The following DIS3L2 variants were observed in gnomAD, a reference collection of about 807,000 sequenced individuals.
DIS3L2 encodes the protein DIS3 like 3'-5' exoribonuclease 2, also known as DIS3-like exonuclease 2.
A neutral mutation model predicts 97.5 loss-of-function variants in DIS3L2; 34 were observed. The observed-to-expected ratio is 0.35, with a 90% CI of 0.27 to 0.46. The LOEUF (loss-of-function observed/expected upper bound fraction) is 0.46. Among genes scored for constraint, DIS3L2 ranks in the 20% least tolerant of loss-of-function variants. The probability of loss-of-function intolerance (pLI) is 1.00; values close to 1 mark genes in which losing one functional copy is unlikely to be tolerated. For synonymous variants in DIS3L2, 435 were observed against 445.2 expected (o/e 0.98, Z 0.29); for missense variants, 1,038 against 1,146.0 (o/e 0.91, Z 1.36).
At chr2:232,168,750 C>G (rs1690897350) in intron 9 of DIS3L2, among the ~76,000 whole-genome samples, 1 of 152,084 alleles carries the variant, frequency 6.6e-6, no homozygotes, top group East Asian at 1.9e-4. Context: ...CAGTTAATTC[C>G]TTATTTTTAA....
At chr2:232,048,725 C>A (rs781257429) in intron 5 of DIS3L2, among the ~76,000 whole-genome samples, 71 of 150,500 alleles carry the variant, frequency 4.7e-4, no homozygotes, top group Non-Finnish European at 8.3e-4. Context: ...AGCAAGACTC[C>A]CTCTCAAAAA....
rs1695976597 is a variant in DIS3L2, at chr2:232,336,922, A to G, written c.*292A>G. 1.6e-6 allele frequency: 2 copies of G among 1,233,446 alleles called. No individual in the cohort carries two copies. Among genetic ancestry groups the G allele is most frequent in the Admixed American group, 8.3e-5 (2 of 24,134 alleles). 76.4% of individuals were successfully genotyped at this position (1,233,446 alleles called of 1,614,324 possible). ...CCCTACTGCCCTCCTCTGCCCAGGAAATGGGGGGGTTTCAGCAACTCAGTG... is the reference window on the plus strand; with the variant it reads ...CCCTACTGCCCTCCTCTGCCCAGGAGATGGGGGGGTTTCAGCAACTCAGTG... On this transcript the variant is annotated 3_prime_UTR_variant, in exon 21 of 21. Transcript: ENST00000325385.
At chr2:232,062,378 G>GA (rs1425647443) in intron 5 of DIS3L2, among the ~76,000 whole-genome samples, 1 of 152,174 alleles carries the variant, frequency 6.6e-6, no homozygotes, top group East Asian at 1.9e-4. Flanking sequence ...ACAGTTCCTG[G>GA]AAAGTGGGTA....
chr2:232,339,549 G>A (rs1249125977), downstream of DIS3L2, among the ~76,000 whole-genome samples: 1 of 152,224 alleles, frequency 6.6e-6, no homozygotes. Context: ...GCAGCAAGGA[G>A]GCCCCATGGT....
At chr2:232,135,562 A>G (rs1698332453) in intron 7 of DIS3L2, among the ~76,000 whole-genome samples, 1 of 152,120 alleles carries the variant, frequency 6.6e-6, no homozygotes, top group Admixed American at 6.5e-5. Flanking sequence ...TAAGAGGAAG[A>G]AAGTAGAGCA....
intron 1 of DIS3L2, among the ~76,000 whole-genome samples, chr2:231,971,834 G>T (rs929843363): frequency 6.7e-6 from 1 of 148,926 alleles, no homozygotes; most frequent in Admixed American, 6.7e-5. Context: ...GCCTGCCTCC[G>T]CCTCCCAAAG....
At chr2:232,222,532 G>A (rs541407508) in intron 10 of DIS3L2, among the ~76,000 whole-genome samples, 6 of 152,138 alleles carry the variant, frequency 3.9e-5, no homozygotes, top group Non-Finnish European at 8.8e-5. Context: ...GTGCGATGGC[G>A]CAGTCTTGGC....
chr2:232,132,362 A>G (rs1168155393), intron 7 of DIS3L2, among the ~76,000 whole-genome samples: 1 of 152,206 alleles, frequency 6.6e-6, no homozygotes, highest in East Asian at 1.9e-4. Flanking sequence ...TTAAAACAAG[A>G]AACAGGAATT....
intron 12 of DIS3L2, chr2:232,259,978 G>A (rs908309395): frequency 3.3e-5 from 5 of 152,152 alleles, no homozygotes; most frequent in Admixed American, 6.5e-5. Context: ...TGGCTTATGT[G>A]AAAGCAAATG....
intron 13 of DIS3L2, among the ~76,000 whole-genome samples, chr2:232,296,176 G>T (rs1017354941): frequency 6.6e-6 from 1 of 152,128 alleles, no homozygotes; most frequent in African/African-American, 2.4e-5. Context: ...AATAGCATCT[G>T]CCCTGCAGCC....
chr2:232,085,311 C>G (rs1160800934), intron 5 of DIS3L2, among the ~76,000 whole-genome samples: 1 of 152,140 alleles, frequency 6.6e-6, no homozygotes, highest in Non-Finnish European at 1.5e-5. Context: ...CACTGTTCTG[C>G]CCTTGGCACC....
intron 16 of DIS3L2, 76 bp from the exon 17 acceptor site, chr2:232,333,764 T>TTC: frequency 9.0e-6 from 13 of 1,444,516 alleles, no homozygotes; most frequent in Admixed American, 7.0e-5. Context: ...ACGGTGAGGC[T>TTC]GTGGGTGGTG....
At chr2:232,340,172 C>T (rs574160346), downstream of DIS3L2, among the ~76,000 whole-genome samples, 2 of 152,324 alleles carry the variant, frequency 1.3e-5, no homozygotes, top group South Asian at 2.1e-4. Context: ...CTATCCATAC[C>T]GCATGGCAGG....
intron 8 of DIS3L2, among the ~76,000 whole-genome samples, chr2:232,148,651 C>A (rs1296818683): frequency 2.0e-5 from 3 of 151,212 alleles, no homozygotes; most frequent in African/African-American, 7.3e-5. Flanking sequence ...CAAATTGAGA[C>A]TCTTTGGACT....
intron 1 of DIS3L2, among the ~76,000 whole-genome samples, chr2:231,964,243 C>CA (rs1692646858): frequency 6.6e-6 from 1 of 152,090 alleles, no homozygotes; most frequent in African/African-American, 2.4e-5. Flanking sequence ...GTGTGAGACT[C>CA]ATTTAATTGT....
chr2:232,174,978 G>A (rs1357650232), intron 9 of DIS3L2, among the ~76,000 whole-genome samples: 1 of 152,014 alleles, frequency 6.6e-6, no homozygotes, highest in East Asian at 1.9e-4. Context: ...AACAGGGCGT[G>A]CCACCAAACC....
Position 232,329,807 on chromosome 2 carries a change from C to T in DIS3L2, c.1740-6C>T. On this transcript the variant is annotated splice_region_variant and splice_polypyrimidine_tract_variant and intron_variant, in intron 14 of 20. Coordinates refer to ENST00000325385, the MANE Select transcript of DIS3L2 (RefSeq NM_152383.5). ...CGGTCCCTCCCATCCCACCCACCCTCTGCAGGCTCGTGGAGGAGTTCATGC... is the reference window on the plus strand; with the variant it reads ...CGGTCCCTCCCATCCCACCCACCCTTTGCAGGCTCGTGGAGGAGTTCATGC... 1 of 1,425,996 alleles carries T rather than the reference C, an allele frequency of 7.0e-7. No homozygotes were observed. The highest frequency in any genetic ancestry group is 9.3e-7 in the Non-Finnish European group (1 of 1,080,044). 88.3% of individuals were successfully genotyped at this position (1,425,996 alleles called of 1,614,324 possible).
chr2:232,011,066 C>G (rs1694184146), intron 1 of DIS3L2, among the ~76,000 whole-genome samples: 1 of 152,212 alleles, frequency 6.6e-6, no homozygotes, highest in Non-Finnish European at 1.5e-5. Context: ...CTCATCCTTC[C>G]TGCCTTCTTG....
chr2:232,022,687 C>T (rs138126998), intron 3 of DIS3L2, among the ~76,000 whole-genome samples: 3 of 152,324 alleles, frequency 2.0e-5, no homozygotes, highest in Non-Finnish European at 2.9e-5. Context: ...CTTCCCCTCA[C>T]GAGACTGTAA....
Sources: allele counts gnomAD v4.1 joint callset (sites outside exome capture counted in the v4.1 genomes callset), GRCh38; gene constraint gnomAD v4.1.1; transcripts MANE v1.5; gene names NCBI Gene and HGNC (gene_info 2026-07-23, HGNC 2026-07-21).